The following BICD2 variants were observed in gnomAD, a reference collection of about 807,000 sequenced individuals.
BICD2 encodes the protein BICD cargo adaptor 2, also known as protein bicaudal D homolog 2.
A neutral mutation model predicts 72.9 loss-of-function variants in BICD2; 25 were observed. That is an observed-to-expected ratio of 0.34 (90% confidence interval 0.25 to 0.48). The LOEUF (loss-of-function observed/expected upper bound fraction) is 0.48, where lower values mean the gene tolerates loss of function less well. Among genes scored for constraint, BICD2 ranks in the 20% least tolerant of loss-of-function variants. BICD2 has a pLI of 0.99. For missense variants in BICD2, 894 were observed against 1,175.2 expected (o/e 0.76, Z 3.50); for synonymous variants, 501 against 516.1 (o/e 0.97, Z 0.40).
chr9:92,757,906 T>C (rs1455521734), intron 1 of BICD2, among the ~76,000 whole-genome samples: 1 of 152,110 alleles, frequency 6.6e-6, no homozygotes, highest in African/African-American at 2.4e-5. Flanking sequence ...GAAGGTGGCT[T>C]TAAAAAATGA....
At chr9:92,727,326 G>A (rs1299551908) in intron 2 of BICD2, among the ~76,000 whole-genome samples, 1 of 152,206 alleles carries the variant, frequency 6.6e-6, no homozygotes, top group South Asian at 2.1e-4. Context: ...GCAGAGGGTG[G>A]TGCTCCTGTG....
intron 2 of BICD2, among the ~76,000 whole-genome samples, chr9:92,726,457 T>A (rs981015490): frequency 1.3e-5 from 2 of 152,080 alleles, no homozygotes; most frequent in Non-Finnish European, 2.9e-5. Flanking sequence ...GTGTGAGCCT[T>A]GGGCAGTGAC....
At position 92,764,229 on chromosome 9, in the gene BICD2, G is replaced by A. The variant is rs1854433391; in HGVS notation, c.240+276C>T. 6.8e-6 allele frequency among the ~76,000 whole-genome samples: 1 copy of A among 147,148 alleles called. No individual in the cohort carries two copies. Among genetic ancestry groups the A allele is most frequent in the Non-Finnish European group, 1.5e-5 (1 of 66,904 alleles). On this transcript the variant is annotated intron_variant, in intron 1 of 6. Coordinates refer to ENST00000356884, the MANE Select transcript of BICD2 (RefSeq NM_001003800.2). This position sits in a 1 kb window ranked among gnomAD's most constrained non-coding sequence, Gnocchi z 5.5. ...AGCCCTTACGAAGCCCCGCCCCGCC[G>A]GGGCCGCCCAGGTCCGCACAGAAGC...
At position 92,717,784 on chromosome 9, in the gene BICD2, G is replaced by C; in HGVS notation, c.2258+13C>G. 1 of 1,601,404 alleles carries C rather than the reference G, an allele frequency of 6.2e-7. No individual in the cohort carries two copies. The highest frequency in any genetic ancestry group is 8.5e-7 in the Non-Finnish European group (1 of 1,174,108). ...CCTTGTGGAAGGGGAGGGCCCGACAGCAGCACGGTTACCTGGTGGCAAACA... is the reference window on the plus strand; with the variant it reads ...CCTTGTGGAAGGGGAGGGCCCGACACCAGCACGGTTACCTGGTGGCAAACA... On this transcript the variant is annotated intron_variant, in intron 6 of 6. Coordinates refer to ENST00000356884, the MANE Select transcript of BICD2 (RefSeq NM_001003800.2).
At chr9:92,726,160 G>A (rs1404378732) in intron 2 of BICD2, among the ~76,000 whole-genome samples, 1 of 152,244 alleles carries the variant, frequency 6.6e-6, no homozygotes, top group African/African-American at 2.4e-5. Context: ...TTAGGCACAT[G>A]ATGGAACCTT....
Position 92,714,050 on chromosome 9 carries a change from A to C in BICD2, c.*1104T>G. 1 of 986,134 alleles carries C rather than the reference A, an allele frequency of 1.0e-6. No individual in the cohort carries two copies. The highest frequency in any genetic ancestry group is 1.2e-6 in the Non-Finnish European group (1 of 830,400). The allele number at this position is 986,134 out of a possible 1,614,324, so 61.1% of individuals were successfully genotyped here. ...TGTGGATGGAGCCTCTGGAAATGGG[A>C]GAACCCTACAGCTACCTTTCCTCTT... is the stretch of plus-strand genomic sequence containing the variant. On this transcript the variant is annotated 3_prime_UTR_variant, in exon 7 of 7. Transcript: ENST00000356884.
In BICD2 at chr9:92,722,814, G is replaced by A. The variant is rs529599342; in HGVS notation, c.454-6C>T. ...ATCTCCACATTCTGGTTGATCTGTT[G>A]GGGGAGAGGGAAAGGCAGGTATGAG... On this transcript the variant is annotated splice_region_variant and splice_polypyrimidine_tract_variant and intron_variant, in intron 2 of 6. Coordinates refer to ENST00000356884, the MANE Select transcript of BICD2 (RefSeq NM_001003800.2). 10 of 1,614,062 alleles carry A rather than the reference G, an allele frequency of 6.2e-6. No individual in the cohort carries two copies. The highest frequency in any genetic ancestry group is 1.6e-4 in the Middle Eastern group (1 of 6,062).
intron 1 of BICD2, among the ~76,000 whole-genome samples, chr9:92,737,120 G>A (rs1853804493): frequency 6.6e-6 from 1 of 152,136 alleles, no homozygotes; most frequent in Non-Finnish European, 1.5e-5. Context: ...TAGCACCTCT[G>A]AAATAAGCTG....
chr9:92,748,368 C>A (rs141415876), intron 1 of BICD2, among the ~76,000 whole-genome samples: 1 of 152,194 alleles, frequency 6.6e-6, no homozygotes, highest in Non-Finnish European at 1.5e-5. Context: ...AGTGCTCCCA[C>A]ACTCATCTTT....
Position 92,713,816 on chromosome 9 carries a change from C to T in BICD2, c.*1338G>A. The T allele has an allele frequency of 6.3e-6, 7 of 1,114,718 alleles. No homozygotes were observed. The highest frequency in any genetic ancestry group is 2.8e-5 in the South Asian group (1 of 36,220). 69.1% of individuals were successfully genotyped at this position (1,114,718 alleles called of 1,614,324 possible). On this transcript the variant is annotated 3_prime_UTR_variant, in exon 7 of 7. Coordinates refer to ENST00000356884, the MANE Select transcript of BICD2 (RefSeq NM_001003800.2). ...AGTCTGGAGGGGACCGAAACATACT[C>T]GGCACCAAAGGGAAGAACGCGCAGG...
chr9:92,718,437 A>G, intron 5 of BICD2, 102 bp downstream of exon 5: 1 of 1,387,618 alleles, frequency 7.2e-7, no homozygotes, highest in Non-Finnish European at 9.7e-7. Context: ...GTGGTGACGC[A>G]GGCCTGGGGG....
chr9:92,736,767 T>C (rs1251859491), intron 1 of BICD2, among the ~76,000 whole-genome samples: 1 of 152,168 alleles, frequency 6.6e-6, no homozygotes, highest in African/African-American at 2.4e-5. Context: ...CCCTGTGTGT[T>C]AGATTGTTTT....
At chr9:92,721,337 C>A (rs1436872210) in intron 3 of BICD2, among the ~76,000 whole-genome samples, 1 of 152,154 alleles carries the variant, frequency 6.6e-6, no homozygotes, top group East Asian at 1.9e-4. Flanking sequence ...AACCACTAAA[C>A]CTCCACATGC....
At position 92,720,386 on chromosome 9, in the gene BICD2, C is replaced by A. The variant is rs571839806; in HGVS notation, c.976G>T (p.Ala326Ser). 3.7e-6 allele frequency: 6 copies of A among 1,614,044 alleles called. No individual in the cohort carries two copies. The highest frequency in any genetic ancestry group is 2.7e-5 in the African/African-American group (2 of 75,040). The part of the protein sequence containing the change: ...KTSTPKKEGL[A>S]PPSPSLVSDL... ...GAGACGAGGCTGGGGGAGGGCGGTG[C>A]GAGGCCCTCCTTCTTGGGCGTGGAG... is the stretch of plus-strand genomic sequence containing the variant. The change falls in exon 4 of 7, where the codon GCA becomes TCA. Residue 326 changes from alanine (A) to serine (S), a missense_variant. Physicochemically the swap from Ala to Ser is moderately conservative, Grantham distance 99. This residue lies in a region of BICD2 where 371 missense variants were observed against 439.1 expected (regional missense o/e 0.84). Coordinates refer to ENST00000356884, the MANE Select transcript of BICD2 (RefSeq NM_001003800.2). The surrounding 1 kb of genome is among the most constrained non-coding windows in gnomAD (Gnocchi z 5.4).
intron 1 of BICD2, among the ~76,000 whole-genome samples, chr9:92,761,907 C>G (rs973930575): frequency 6.6e-6 from 1 of 152,178 alleles, no homozygotes; most frequent in African/African-American, 2.4e-5. Context: ...CAGCACCGTG[C>G]TATGTTGTCA....
intron 1 of BICD2, among the ~76,000 whole-genome samples, chr9:92,763,926 C>A (rs981716698): frequency 6.6e-6 from 1 of 152,246 alleles, no homozygotes; most frequent in Non-Finnish European, 1.5e-5. Context: ...CCACGTGCAA[C>A]CCCGAGCCCC....
intron 1 of BICD2, among the ~76,000 whole-genome samples, chr9:92,762,981 C>T (rs1243538841): frequency 6.6e-6 from 1 of 152,186 alleles, no homozygotes; most frequent in African/African-American, 2.4e-5. Flanking sequence ...CTATCACACG[C>T]CCCACCCTAA....
intron 1 of BICD2, among the ~76,000 whole-genome samples, chr9:92,758,507 G>T (rs1320369496): frequency 7.2e-6 from 1 of 139,104 alleles, no homozygotes; most frequent in Non-Finnish European, 1.5e-5. Flanking sequence ...AGCCAAGATC[G>T]AGCTACTGTA....
chr9:92,754,573 A>G (rs1188964522), intron 1 of BICD2, among the ~76,000 whole-genome samples: 4 of 152,220 alleles, frequency 2.6e-5, no homozygotes, highest in Admixed American at 2.0e-4. Flanking sequence ...ATGAGATGCC[A>G]TTATCTGTTA....
Sources: gnomAD v4.1 joint callset for allele counts (sites outside exome capture counted in the v4.1 genomes callset) on GRCh38, gnomAD v4.1.1 for gene constraint, gnomAD v4.1.1 regional missense constraint, Gnocchi (gnomAD v3.1) non-coding constraint, MANE v1.5 for transcripts, NCBI Gene and HGNC (gene_info 2026-07-23, HGNC 2026-07-21) for gene names.